ZNF564: variants seen among roughly 807,000 people sequenced by gnomAD.
The protein encoded by ZNF564 is zinc finger protein 564.
Under a neutral mutation model 10.5 loss-of-function variants are expected in ZNF564, and 5 were observed. The ratio of observed to expected loss-of-function variants is 0.48; its 90% CI spans 0.25 to 1.00. The LOEUF is 1.00. Ranked by LOEUF, ZNF564 falls within the 50% of genes least tolerant of loss-of-function variation. ZNF564 has a pLI of 0.16. For synonymous variants in ZNF564, 242 were observed against 218.1 expected (o/e 1.11, Z -0.97); for missense variants, 603 against 669.7 (o/e 0.90, Z 1.10).
rs1291430166 is a variant in ZNF564, at chr19:12,551,341, T to C, written c.-9A>G. 1.2e-6 allele frequency: 2 copies of C among 1,606,108 alleles called. No homozygotes were observed. The highest frequency in any genetic ancestry group is 1.1e-5 in the South Asian group (1 of 90,106). ...CCCCGCACACGCACCATTTCCTGGC[T>C]TCCAGGGTGTCCCGGGGTCCTGCCT... On this transcript the variant is annotated 5_prime_UTR_variant, in exon 1 of 4. Coordinates refer to ENST00000339282, the MANE Select transcript of ZNF564 (RefSeq NM_144976.4).
chr19:12,540,819 A>C (rs1422906001), intron 1 of ZNF564, among the ~76,000 whole-genome samples: 1 of 151,494 alleles, frequency 6.6e-6, no homozygotes, highest in African/African-American at 2.4e-5. Context: ...GCACCACTGC[A>C]CTCCAGCCTG....
chr19:12,527,762 AATG>A lies in ZNF564; in HGVS notation c.343_345del (p.His115del). The A allele has an allele frequency of 1.2e-6, 2 of 1,614,052 alleles. No individual in the cohort carries two copies. The highest frequency in any genetic ancestry group is 1.7e-6 in the Non-Finnish European group (2 of 1,180,022). On this transcript the variant is annotated inframe_deletion, in exon 4 of 4. Coordinates refer to ENST00000339282, the MANE Select transcript of ZNF564 (RefSeq NM_144976.4). ...GATCTGATGTGCCTACTAAGGGATG[AATG>A]ATGCATGAAGACTTTCCCACACAAA... is the stretch of plus-strand genomic sequence containing the variant.
At chr19:12,534,959 A>T (rs1448472656) in intron 1 of ZNF564, among the ~76,000 whole-genome samples, 1 of 152,198 alleles carries the variant, frequency 6.6e-6, no homozygotes, top group African/African-American at 2.4e-5. Flanking sequence ...TAGAATTTAG[A>T]GTTAACCAAG....
intron 1 of ZNF564, among the ~76,000 whole-genome samples, chr19:12,534,064 A>C (rs2021861008): frequency 6.6e-6 from 1 of 152,170 alleles, no homozygotes; most frequent in African/African-American, 2.4e-5. Flanking sequence ...CTTCCTCCTC[A>C]GAAAGAACAT....
intron 1 of ZNF564, among the ~76,000 whole-genome samples, chr19:12,546,810 C>G (rs2022163659): frequency 6.6e-6 from 1 of 152,156 alleles, no homozygotes; most frequent in African/African-American, 2.4e-5. Flanking sequence ...TTTGTCTTCA[C>G]TGATCAGTCA....
intron 1 of ZNF564, among the ~76,000 whole-genome samples, chr19:12,547,968 T>A (rs949511376): frequency 6.6e-6 from 1 of 151,052 alleles, no homozygotes; most frequent in Non-Finnish European, 1.5e-5. Context: ...TGCGCCACCA[T>A]GCCCGGCTAA....
intron 1 of ZNF564, among the ~76,000 whole-genome samples, chr19:12,538,919 C>T (rs574183645): frequency 2.6e-5 from 4 of 151,996 alleles, no homozygotes; most frequent in East Asian, 3.9e-4. Flanking sequence ...ACTACACTAA[C>T]GCAGTATGTT....
intron 1 of ZNF564, among the ~76,000 whole-genome samples, chr19:12,538,425 A>T (rs1209620572): frequency 6.6e-6 from 1 of 152,006 alleles, no homozygotes; most frequent in Non-Finnish European, 1.5e-5. Flanking sequence ...GGAGTTAAAC[A>T]CTAGCCTGGA....
intron 1 of ZNF564, among the ~76,000 whole-genome samples, chr19:12,542,308 C>CAAAA (rs35733202): frequency 4.8e-5 from 3 of 63,138 alleles, no homozygotes; most frequent in Non-Finnish European, 8.5e-5. Context: ...GACTCTGTCT[C>CAAAA]AAAAAAAAAA....
intron 1 of ZNF564, among the ~76,000 whole-genome samples, chr19:12,539,300 A>G (rs2021987636): frequency 6.6e-6 from 1 of 151,682 alleles, no homozygotes; most frequent in Non-Finnish European, 1.5e-5. Flanking sequence ...TAGCTCCCAA[A>G]TTTTTCTGTA....
chr19:12,540,028 A>G (rs1012968053), intron 1 of ZNF564, among the ~76,000 whole-genome samples: 3 of 152,230 alleles, frequency 2.0e-5, no homozygotes, highest in African/African-American at 7.2e-5. Flanking sequence ...TAGTACACAC[A>G]GTATAATGCC....
At chr19:12,543,935 TG>T (rs1297882799) in intron 1 of ZNF564, among the ~76,000 whole-genome samples, 2 of 152,102 alleles carry the variant, frequency 1.3e-5, no homozygotes, top group Non-Finnish European at 2.9e-5. Flanking sequence ...GGAGACAGCT[TG>T]CTTCCTCTCT....
At chr19:12,536,827 G>A (rs2021924689) in intron 1 of ZNF564, among the ~76,000 whole-genome samples, 1 of 152,138 alleles carries the variant, frequency 6.6e-6, no homozygotes, top group South Asian at 2.1e-4. Flanking sequence ...AAGAAAAACA[G>A]TAACAGATTA....
intron 1 of ZNF564, among the ~76,000 whole-genome samples, chr19:12,537,284 G>C (rs1158870289): frequency 6.6e-6 from 1 of 152,136 alleles, no homozygotes; most frequent in African/African-American, 2.4e-5. Context: ...CATGTACTAT[G>C]TGATTAGGTC....
At position 12,539,750 on chromosome 19, in the gene ZNF564, C is replaced by A. The variant is rs149518541; in HGVS notation, c.4-11054G>T. On this transcript the variant is annotated intron_variant, in intron 1 of 3. Coordinates refer to ENST00000339282, the MANE Select transcript of ZNF564 (RefSeq NM_144976.4). ...AAGCACTTTGGGAGGCTGAGGTGGG[C>A]GGATCACAAGGTCAGGAGATAAAGA... 3.6e-4 allele frequency among the ~76,000 whole-genome samples: 54 copies of A among 149,232 alleles called. No homozygotes were observed. The East Asian group carries it at 9.9e-3, about 27-fold the overall frequency.
chr19:12,540,065 A>T (rs1228654414), intron 1 of ZNF564, among the ~76,000 whole-genome samples: 1 of 152,228 alleles, frequency 6.6e-6, no homozygotes, highest in African/African-American at 2.4e-5. Context: ...TTCAAAAATG[A>T]AATATGTAAC....
chr19:12,532,796 A>C (rs1314286396), intron 1 of ZNF564: 1 of 152,164 alleles, frequency 6.6e-6, no homozygotes, highest in Non-Finnish European at 1.5e-5. Context: ...TAAAGGACTC[A>C]ACATGCCAAG....
intron 1 of ZNF564, chr19:12,548,973 G>A (rs1212566242): frequency 3.0e-6 from 2 of 676,928 alleles, no homozygotes; most frequent in African/African-American, 3.5e-5. Flanking sequence ...ACTTATCTGA[G>A]ATTCTTATCC....
intron 1 of ZNF564, chr19:12,532,899 C>T (rs1188718969): frequency 6.6e-6 from 1 of 152,060 alleles, no homozygotes; most frequent in Non-Finnish European, 1.5e-5. Flanking sequence ...AGAAAAAATA[C>T]ACTAATCTAC....
Sources: allele counts gnomAD v4.1 joint callset (sites outside exome capture counted in the v4.1 genomes callset), GRCh38; gene constraint gnomAD v4.1.1; transcripts MANE v1.5; gene names NCBI Gene and HGNC (gene_info 2026-07-23, HGNC 2026-07-21).